The following PTBP3 variants were observed in gnomAD, a reference collection of about 807,000 sequenced individuals.
The protein encoded by PTBP3 is polypyrimidine tract binding protein 3.
A neutral mutation model predicts 58.7 loss-of-function variants in PTBP3; 20 were observed. The ratio of observed to expected loss-of-function variants is 0.34; its 90% CI spans 0.24 to 0.50. The LOEUF (loss-of-function observed/expected upper bound fraction) is 0.50. PTBP3 is among the 20% of genes least tolerant of loss of function. The probability of loss-of-function intolerance (pLI) is 0.98; values close to 1 mark genes in which losing one functional copy is unlikely to be tolerated. For synonymous variants in PTBP3, 185 were observed against 219.8 expected (o/e 0.84, Z 1.40); for missense variants, 509 against 637.2 (o/e 0.80, Z 2.17).
intron 7 of PTBP3, among the ~76,000 whole-genome samples, chr9:112,239,343 G>T (rs896416178): frequency 6.6e-6 from 1 of 152,098 alleles, no homozygotes; most frequent in Non-Finnish European, 1.5e-5. Flanking sequence ...CCCCAAGTCT[G>T]CCCTGGTGAA....
At chr9:112,374,592 T>A in the PTBP3 span, among the ~76,000 whole-genome samples, 1 of 152,230 alleles carries the variant, frequency 6.6e-6, no homozygotes, top group East Asian at 1.9e-4. Context: ...TCCACTGTTC[T>A]ATCAATCCAG....
At chr9:112,349,295 A>G in the PTBP3 span, among the ~76,000 whole-genome samples, 1 of 151,754 alleles carries the variant, frequency 6.6e-6, no homozygotes, top group African/African-American at 2.4e-5. Flanking sequence ...CTGTACCACC[A>G]CTCCTCATAT....
At chr9:112,294,558 TA>T (rs1264832499) in intron 2 of PTBP3, among the ~76,000 whole-genome samples, 6 of 152,158 alleles carry the variant, frequency 3.9e-5, no homozygotes, top group Admixed American at 3.9e-4. Flanking sequence ...GCAAACATTA[TA>T]TTAAAAGATT....
intron 2 of PTBP3, among the ~76,000 whole-genome samples, chr9:112,295,628 A>AAAAAAG: frequency 6.7e-6 from 1 of 149,144 alleles, no homozygotes. Flanking sequence ...AAAAAAGAAT[A>AAAAAAG]GCATTGGGGT....
chr9:112,299,017 TA>T (rs201420891), intron 1 of PTBP3, among the ~76,000 whole-genome samples: 2 of 152,288 alleles, frequency 1.3e-5, no homozygotes, highest in East Asian at 3.9e-4. Context: ...GTCTTCCTAA[TA>T]AAATCTGAGA....
At chr9:112,280,805 A>AT (rs536466669) in intron 2 of PTBP3, among the ~76,000 whole-genome samples, 31 of 149,136 alleles carry the variant, frequency 2.1e-4, no homozygotes, top group South Asian at 1.9e-3. Flanking sequence ...ATATATAGTG[A>AT]TTTTTTTTTA....
chr9:112,222,062 T>C lies in PTBP3; in HGVS notation c.*1789A>G, dbSNP rs1834826289. On this transcript the variant is annotated 3_prime_UTR_variant, in exon 14 of 14. Coordinates refer to ENST00000374257, the MANE Select transcript of PTBP3 (RefSeq NM_001163788.4). ...CCTGCCTACAGGCTCAGCCTGTAGC[T>C]GGGACTACAGGCGCACAGGCGCACA... 1.0e-5 allele frequency: 10 copies of C among 967,306 alleles called. No individual in the cohort carries two copies. Among genetic ancestry groups the C allele is most frequent in the Non-Finnish European group, 1.2e-5 (10 of 813,178 alleles). The allele number at this position is 967,306 out of a possible 1,614,324, so 59.9% of individuals were successfully genotyped here.
At chr9:112,303,445 C>A (rs1188573749) in intron 1 of PTBP3, among the ~76,000 whole-genome samples, 1 of 152,114 alleles carries the variant, frequency 6.6e-6, no homozygotes, top group African/African-American at 2.4e-5. Context: ...TTCTCAGATA[C>A]CTTGAGGTCT....
the PTBP3 span, among the ~76,000 whole-genome samples, chr9:112,343,301 C>T: frequency 6.6e-6 from 1 of 151,636 alleles, no homozygotes; most frequent in Non-Finnish European, 1.5e-5. Context: ...CTCTGCCTCC[C>T]GGGTTCAAGT....
intron 7 of PTBP3, among the ~76,000 whole-genome samples, chr9:112,246,900 G>GA (rs1835901770): frequency 6.6e-6 from 1 of 151,988 alleles, no homozygotes; most frequent in Non-Finnish European, 1.5e-5. Flanking sequence ...AATGAAGTAG[G>GA]AAAGACACAA....
chr9:112,316,647 A>G (rs1225151149), intron 1 of PTBP3, among the ~76,000 whole-genome samples: 2 of 152,364 alleles, frequency 1.3e-5, no homozygotes, highest in Admixed American at 1.3e-4. Flanking sequence ...CTGCTTAAAA[A>G]GAAGGTATCA....
chr9:112,229,527 C>T (rs1204537749), intron 10 of PTBP3, among the ~76,000 whole-genome samples: 3 of 149,740 alleles, frequency 2.0e-5, no homozygotes, highest in South Asian at 2.1e-4. Flanking sequence ...ATTGTGCCAC[C>T]GCACTCCAGC....
chr9:112,354,952 A>G, the PTBP3 span, among the ~76,000 whole-genome samples: 11 of 152,182 alleles, frequency 7.2e-5, no homozygotes, highest in African/African-American at 2.4e-4. Context: ...ATGTACTCAC[A>G]GTGTAATACC....
chr9:112,346,890 A>C, the PTBP3 span, among the ~76,000 whole-genome samples: 1 of 151,998 alleles, frequency 6.6e-6, no homozygotes, highest in African/African-American at 2.4e-5. Context: ...CACCCAGTTA[A>C]TTTTTGTATT....
intron 7 of PTBP3, among the ~76,000 whole-genome samples, chr9:112,242,297 A>C (rs1392131643): frequency 1.3e-5 from 2 of 152,160 alleles, no homozygotes; most frequent in African/African-American, 4.8e-5. Flanking sequence ...GCACCCAGCA[A>C]CATTTTTAAA....
In PTBP3 at chr9:112,333,572, G is replaced by A. The variant is rs917543159; in HGVS notation, c.-154C>T. ...CAGCAGGGCGGTTCCGGGGACAAGC[G>A]AGCTTTGGCTCTGCGGAGCCCCGGC... On this transcript the variant is annotated 5_prime_UTR_variant, in exon 1 of 14. Transcript: ENST00000374257. 9 of 1,459,802 alleles carry A rather than the reference G, an allele frequency of 6.2e-6. No individual in the cohort carries two copies. The South Asian group carries it at 8.4e-5, about 14-fold the overall frequency. The allele number at this position is 1,459,802 out of a possible 1,614,324, so 90.4% of individuals were successfully genotyped here.
chr9:112,311,644 C>T (rs1049486476), intron 1 of PTBP3, among the ~76,000 whole-genome samples: 2 of 152,132 alleles, frequency 1.3e-5, no homozygotes, highest in African/African-American at 4.8e-5. Flanking sequence ...TGAGGGACAA[C>T]TGTACTCTGA....
intron 10 of PTBP3, among the ~76,000 whole-genome samples, chr9:112,229,114 T>C (rs1236083701): frequency 1.3e-5 from 2 of 152,150 alleles, no homozygotes; most frequent in Non-Finnish European, 2.9e-5. Context: ...TATAAACCAA[T>C]ATTAAAAAAC....
chr9:112,377,663 C>T, the PTBP3 span, among the ~76,000 whole-genome samples: 2 of 152,148 alleles, frequency 1.3e-5, no homozygotes, highest in African/African-American at 4.8e-5. Context: ...TGTGTTGTAA[C>T]CAGTAGTCTG....
Sources: gnomAD v4.1 joint callset for allele counts (sites outside exome capture counted in the v4.1 genomes callset) on GRCh38, gnomAD v4.1.1 for gene constraint, MANE v1.5 for transcripts, NCBI Gene and HGNC (gene_info 2026-07-23, HGNC 2026-07-21) for gene names.